PFKP: variants seen among roughly 807,000 people sequenced by gnomAD.
The protein encoded by PFKP is phosphofructokinase, platelet.
In PFKP, 101 loss-of-function variants were observed where a neutral mutation model predicts 94.3. That is an observed-to-expected ratio of 1.07 (90% CI 0.91 to 1.26). The LOEUF is 1.26. PFKP is among the 50% of genes most tolerant of loss of function. The pLI, the probability that PFKP is intolerant of heterozygous loss-of-function variation, is 0.00. For missense variants in PFKP, 1,145 were observed against 1,103.3 expected, an observed-to-expected ratio of 1.04 and a Z score of -0.53; for synonymous variants, 573 against 432.6, an observed-to-expected ratio of 1.32 and a Z score of -4.03.
chr10:3,121,809 TTTTTTTTTTTTTTTTTTTTTTC>T (rs1430720634), intron 16 of PFKP, among the ~76,000 whole-genome samples: 1 of 21,512 alleles, frequency 4.6e-5, no homozygotes, highest in African/African-American at 1.6e-4. Flanking sequence ...TTTTCTTTTT[TTTTTTTTTTTTTTTTTTTTTTC>T]TTTTTTTGGA....
Position 3,088,388 on chromosome 10 carries a change from G to C in PFKP, c.186+5927G>C, listed in dbSNP as rs1159175543. On this transcript the variant is annotated intron_variant, in intron 2 of 21. Coordinates refer to ENST00000381125, the MANE Select transcript of PFKP (RefSeq NM_002627.5). ...ATATGTGCCACATTTTCTTAATCCA[G>C]TCTATCACTGATGGGCATTTGGGGT... 2.6e-5 allele frequency among the ~76,000 whole-genome samples: 4 copies of C among 152,034 alleles called. No homozygotes were observed. The East Asian group carries it at 7.7e-4, about 29-fold the overall frequency.
intron 1 of PFKP, among the ~76,000 whole-genome samples, chr10:3,076,197 C>T (rs771508311): frequency 3.0e-4 from 45 of 152,116 alleles, no homozygotes; most frequent in Non-Finnish European, 4.4e-4. Context: ...TCCATGTGGA[C>T]GGGACGCACG....
chr10:3,112,981 C>T (rs7896691), intron 11 of PFKP, 138 bp from the exon 12 acceptor site: 664,232 of 747,286 alleles, frequency 0.89, 296,580 homozygotes, highest in East Asian at 0.99. Context: ...GCACATGGAA[C>T]CCTGGGGCCT....
At chr10:3,126,789 T>C (rs1443141665) in intron 16 of PFKP, among the ~76,000 whole-genome samples, 1 of 152,266 alleles carries the variant, frequency 6.6e-6, no homozygotes, top group Non-Finnish European at 1.5e-5. Context: ...GTTTGAACTG[T>C]AGCCTGGGGC....
intron 4 of PFKP, 138 bp from the exon 5 acceptor site, chr10:3,103,641 A>C (rs1835236275): frequency 1.2e-6 from 1 of 845,636 alleles, no homozygotes; most frequent in Admixed American, 2.5e-5. Context: ...AAATGATAAT[A>C]AAGAAATGAT....
At chr10:3,092,710 C>T (rs564709670) in intron 2 of PFKP, among the ~76,000 whole-genome samples, 1 of 152,342 alleles carries the variant, frequency 6.6e-6, no homozygotes, top group African/African-American at 2.4e-5. Context: ...CCTTTCCCTT[C>T]CTGATAGAAA....
At chr10:3,088,172 T>A (rs1461693025) in intron 2 of PFKP, among the ~76,000 whole-genome samples, 1 of 113,956 alleles carries the variant, frequency 8.8e-6, no homozygotes, top group Non-Finnish European at 1.7e-5. Flanking sequence ...CAGGCCCCGG[T>A]GTGTGATGTT....
rs115424809 is a variant in PFKP at position 3,126,061 on chromosome 10, G to A, written c.1684-3758G>A. 1.1e-3 allele frequency among the ~76,000 whole-genome samples: 166 copies of A among 152,310 alleles called. 1 individual carries two copies. The highest frequency in any genetic ancestry group is 3.6e-3 in the African/African-American group (148 of 41,572). On this transcript the variant is annotated intron_variant, in intron 16 of 21. Coordinates refer to ENST00000381125, the MANE Select transcript of PFKP (RefSeq NM_002627.5). ...ACTGGCCTTTACCTTACATCTTGAC[G>A]TCCAAGCCAGCTCCGGAGTTTGCAG...
intron 2 of PFKP, among the ~76,000 whole-genome samples, chr10:3,097,267 C>T (rs1834568981): frequency 6.6e-6 from 1 of 151,670 alleles, no homozygotes; most frequent in Admixed American, 6.6e-5. Context: ...CGTCTGTTAC[C>T]AGTGAGTCCT....
intron 2 of PFKP, among the ~76,000 whole-genome samples, chr10:3,098,061 TTATAAA>T (rs1455683818): frequency 2.0e-5 from 3 of 152,146 alleles, no homozygotes; most frequent in African/African-American, 4.8e-5. Context: ...TGGTAGAAAT[TTATAAA>T]TATAAGTATA....
intron 5 of PFKP, among the ~76,000 whole-genome samples, chr10:3,104,247 A>C (rs1216186698): frequency 1.3e-5 from 2 of 152,222 alleles, no homozygotes; most frequent in Non-Finnish European, 2.9e-5. Context: ...GGCAAGCAGG[A>C]AACTGTTGTG....
At position 3,135,838 on chromosome 10, in the gene PFKP, A is replaced by T; in HGVS notation, c.2225A>T (p.Glu742Val). Residue 742 changes from glutamate (E) to valine (V), a missense_variant and splice_region_variant, in exon 21 of 22, where the codon GAG (glutamate) becomes GTG (valine). Glu to Val is a moderately radical substitution (Grantham distance 121, BLOSUM62 -2). Coordinates refer to ENST00000381125, the MANE Select transcript of PFKP (RefSeq NM_002627.5). ...VAELKKQTDFEHRIPKEQWWL... is the reference protein window; with the variant it reads ...VAELKKQTDFVHRIPKEQWWL... ...GAGCTGAAGAAGCAAACGGATTTTGAGTAAGTTGGCTGGGTTCCCTGAGGC... is the reference window on the plus strand; with the variant it reads ...GAGCTGAAGAAGCAAACGGATTTTGTGTAAGTTGGCTGGGTTCCCTGAGGC... 1 of 1,602,074 alleles carries T rather than the reference A, an allele frequency of 6.2e-7. No homozygotes were observed. The highest frequency in any genetic ancestry group is 8.6e-7 in the Non-Finnish European group (1 of 1,169,168).
rs1836679953 is a variant in PFKP, at chr10:3,115,305, CTGGGGTGAAAGTGTGTGTCCCA to C, written c.1372-1470_1372-1449del. On this transcript the variant is annotated intron_variant, in intron 13 of 21. Coordinates refer to ENST00000381125, the MANE Select transcript of PFKP (RefSeq NM_002627.5). ...ACGGCGGAGGACAGGACTGGGGATG[CTGGGGTGAAAGTGTGTGTCCCA>C]CGGCGGAGGACAGGACTGGGGATGC... Among the ~76,000 whole-genome samples the C allele has an allele frequency of 6.8e-5, 10 of 147,394 alleles. 1 individual carries two copies. Among genetic ancestry groups the C allele is most frequent in the South Asian group, 4.2e-4 (2 of 4,714 alleles).
rs374635201 is a variant in PFKP at position 3,119,371 on chromosome 10, C to T, written c.1530+502C>T. Reference sequence around the variant, plus strand: ...CTGTAATCTCAGCACTTTGGGAGGCCGAGGCGGGCAGATCACCTGAGGTCA... The same window carrying T: ...CTGTAATCTCAGCACTTTGGGAGGCTGAGGCGGGCAGATCACCTGAGGTCA... On this transcript the variant is annotated intron_variant, in intron 15 of 21. Transcript: ENST00000381125. 3.0e-4 allele frequency among the ~76,000 whole-genome samples: 45 copies of T among 152,224 alleles called. 1 individual carries two copies. The South Asian group carries it at 3.1e-3, about 11-fold the overall frequency.
intron 17 of PFKP, among the ~76,000 whole-genome samples, 189 bp from the exon 18 acceptor site, chr10:3,132,191 C>G (rs113997724): frequency 6.6e-6 from 1 of 152,200 alleles, no homozygotes; most frequent in Non-Finnish European, 1.5e-5. Flanking sequence ...CTGTCCTCAG[C>G]GTTCATCGCT....
At chr10:3,103,689 C>T in intron 4 of PFKP, 90 bp from the exon 5 acceptor site, 1 of 1,261,150 alleles carries the variant, frequency 7.9e-7, no homozygotes, top group Non-Finnish European at 1.1e-6. Flanking sequence ...GATTTCTCTA[C>T]CCATGGCCAT....
chr10:3,097,447 G>C (rs986957583), intron 2 of PFKP, among the ~76,000 whole-genome samples: 1 of 152,048 alleles, frequency 6.6e-6, no homozygotes, highest in African/African-American at 2.4e-5. Context: ...TCAGAGCAAG[G>C]GGAGACAATA....
rs1297402436 is a variant in PFKP at position 3,105,475 on chromosome 10, G to A, written c.748G>A (p.Glu250Lys). 1.9e-6 allele frequency: 3 copies of A among 1,613,788 alleles called. No individual in the cohort carries two copies. The highest frequency in any genetic ancestry group is 4.5e-5 in the East Asian group (2 of 44,876). ...ATCTCCACCAGAGGAAGGCTGGGAG[G>A]AGCAGATGTGTGTCAAACTCTCGGA... ...PESPPEEGWE[E>K]QMCVKLSENR... Residue 250 changes from glutamate (E) to lysine (K), a missense_variant, in exon 7 of 22, where the codon GAG (glutamate) becomes AAG (lysine). Glu to Lys is a moderately conservative substitution (Grantham distance 56, BLOSUM62 1). Transcript: ENST00000381125.
intron 8 of PFKP, 21 bp downstream of exon 8, chr10:3,107,330 A>T: frequency 6.8e-7 from 1 of 1,460,102 alleles, no homozygotes; most frequent in Non-Finnish European, 9.6e-7. Flanking sequence ...GTAGCTGCTC[A>T]CTTTCTCTCG....
Sources: allele counts gnomAD v4.1 joint callset (sites outside exome capture counted in the v4.1 genomes callset), GRCh38; gene constraint gnomAD v4.1.1; transcripts MANE v1.5; gene names NCBI Gene and HGNC (gene_info 2026-07-23, HGNC 2026-07-21).